Variants in DGKI observed in about 807,000 individuals in gnomAD.
DGKI encodes the protein DAG kinase iota.
A neutral mutation model predicts 147.5 loss-of-function variants in DGKI; 55 were observed. The observed-to-expected ratio is 0.37, with a 90% CI of 0.30 to 0.47. The LOEUF is 0.47. DGKI is among the 20% of genes least tolerant of loss of function. The pLI is 1.00. For synonymous variants in DGKI, 469 were observed against 477.1 expected, an observed-to-expected ratio of 0.98 and a Z score of 0.22; for missense variants, 1,007 against 1,323.8, an observed-to-expected ratio of 0.76 and a Z score of 3.71.
intron 2 of DGKI, among the ~76,000 whole-genome samples, chr7:137,681,343 A>G (rs1393826913): frequency 6.6e-6 from 1 of 152,222 alleles, no homozygotes; most frequent in Non-Finnish European, 1.5e-5. Context: ...ATGCAAGAGA[A>G]GCATAGCTAT....
At chr7:137,402,699 C>T (rs1230024371) in intron 30 of DGKI, among the ~76,000 whole-genome samples, 1 of 152,104 alleles carries the variant, frequency 6.6e-6, no homozygotes, top group Non-Finnish European at 1.5e-5. Context: ...CATTAGTCTC[C>T]CTGACGCTGC....
intron 28 of DGKI, among the ~76,000 whole-genome samples, chr7:137,443,300 T>G (rs555048785): frequency 1.3e-5 from 2 of 152,334 alleles, no homozygotes; most frequent in Non-Finnish European, 2.9e-5. Flanking sequence ...ACGATCATTT[T>G]GGTGCTAGCC....
At chr7:137,649,676 C>G (rs1001104418) in intron 5 of DGKI, among the ~76,000 whole-genome samples, 2 of 151,444 alleles carry the variant, frequency 1.3e-5, no homozygotes, top group African/African-American at 4.9e-5. Context: ...ATGCGTGCAC[C>G]AAAATCTCAC....
chr7:137,410,677 CAT>C (rs1285666972), intron 29 of DGKI, among the ~76,000 whole-genome samples: 1 of 152,144 alleles, frequency 6.6e-6, no homozygotes, highest in Non-Finnish European at 1.5e-5. Context: ...GAACTAAAAG[CAT>C]ATAGAAAATA....
chr7:137,592,786 G>A (rs706563), intron 12 of DGKI, among the ~76,000 whole-genome samples: 2,783 of 152,318 alleles, frequency 0.018, 85 homozygotes, highest in African/African-American at 0.063. Flanking sequence ...ATATTTTAAT[G>A]TATGTTTGCA....
chr7:137,592,742 C>A (rs568946972), intron 12 of DGKI, among the ~76,000 whole-genome samples: 6 of 152,276 alleles, frequency 3.9e-5, no homozygotes, highest in Admixed American at 1.3e-4. Context: ...CTGGGGGACC[C>A]TTTTGAATAT....
At chr7:137,475,897 G>A (rs1163526640) in intron 23 of DGKI, among the ~76,000 whole-genome samples, 1 of 151,960 alleles carries the variant, frequency 6.6e-6, no homozygotes, top group African/African-American at 2.4e-5. Context: ...AAGAATCAGA[G>A]CTTGGTAATT....
intron 23 of DGKI, among the ~76,000 whole-genome samples, chr7:137,480,170 C>A (rs1815323782): frequency 6.6e-6 from 1 of 152,184 alleles, no homozygotes; most frequent in South Asian, 2.1e-4. Flanking sequence ...GACAACAGAC[C>A]TGACCCTAGG....
chr7:137,571,088 G>T, intron 19 of DGKI, 87 bp downstream of exon 19: 1 of 926,658 alleles, frequency 1.1e-6, no homozygotes. Context: ...GATAAAGCAG[G>T]AGAAAAAGTT....
chr7:137,490,641 A>G (rs542429022), intron 21 of DGKI, among the ~76,000 whole-genome samples: 5 of 152,274 alleles, frequency 3.3e-5, no homozygotes, highest in Admixed American at 6.5e-5. Flanking sequence ...GCGAAGAAAA[A>G]GCAGAAACTT....
chr7:137,641,273 C>G (rs1358196408), intron 6 of DGKI, among the ~76,000 whole-genome samples: 1 of 152,092 alleles, frequency 6.6e-6, no homozygotes, highest in Non-Finnish European at 1.5e-5. Flanking sequence ...TGTAAATTGC[C>G]CAGTCTCGGG....
intron 28 of DGKI, among the ~76,000 whole-genome samples, chr7:137,429,859 A>C (rs1167322003): frequency 1.6e-4 from 19 of 120,780 alleles, no homozygotes; most frequent in Non-Finnish European, 2.5e-4. Flanking sequence ...ATGAGATACC[A>C]TCTCACACCA....
chr7:137,724,836 A>T (rs1050866809), intron 1 of DGKI, among the ~76,000 whole-genome samples: 4 of 152,226 alleles, frequency 2.6e-5, no homozygotes, highest in African/African-American at 9.6e-5. Flanking sequence ...TATAAATGGT[A>T]TATAAAGTTA....
At chr7:137,700,856 C>T (rs1477165893) in intron 1 of DGKI, among the ~76,000 whole-genome samples, 4 of 151,098 alleles carry the variant, frequency 2.6e-5, no homozygotes, top group African/African-American at 4.9e-5. Flanking sequence ...CCAGCCTGGG[C>T]GACAAGAGCG....
intron 28 of DGKI, among the ~76,000 whole-genome samples, chr7:137,415,911 C>T (rs1320367635): frequency 6.6e-6 from 1 of 152,014 alleles, no homozygotes; most frequent in African/African-American, 2.4e-5. Context: ...CTGCTTGAAC[C>T]CTTGGGAGGC....
chr7:137,466,839 A>G, intron 25 of DGKI, 63 bp downstream of exon 25: 1 of 1,540,434 alleles, frequency 6.5e-7, no homozygotes, highest in South Asian at 1.1e-5. Flanking sequence ...GAGATTAGCT[A>G]CCAATAAAGC....
At chr7:137,698,825 G>A (rs1823882561) in intron 1 of DGKI, among the ~76,000 whole-genome samples, 1 of 152,180 alleles carries the variant, frequency 6.6e-6, no homozygotes, top group African/African-American at 2.4e-5. Flanking sequence ...CTGGAGCCCA[G>A]ATGTCTGGCT....
intron 20 of DGKI, among the ~76,000 whole-genome samples, chr7:137,524,839 G>A (rs554140409): frequency 3.9e-5 from 6 of 152,260 alleles, no homozygotes; most frequent in East Asian, 1.9e-4. Context: ...CTAAGACCTC[G>A]ATTGGGCAGT....
rs189161430 is a variant in DGKI at position 137,639,702 on chromosome 7, G to A, written c.804+5770C>T. Among the ~76,000 whole-genome samples the A allele has an allele frequency of 2.4e-3, 359 of 152,222 alleles. 1 individual carries two copies. The highest frequency in any genetic ancestry group is 8.0e-3 in the African/African-American group (333 of 41,530). On this transcript the variant is annotated intron_variant, in intron 6 of 32. Coordinates refer to ENST00000614521, the MANE Select transcript of DGKI (RefSeq NM_001321708.2). ...AACAAAGGGCCCCAGGGTGACCAGG[G>A]CACTGTATTTGCTGCGATGACCAGG...
Sources: allele counts gnomAD v4.1 joint callset (sites outside exome capture counted in the v4.1 genomes callset), GRCh38; gene constraint gnomAD v4.1.1; transcripts MANE v1.5; gene names NCBI Gene and HGNC (gene_info 2026-07-23, HGNC 2026-07-21).